FER1L6: variants seen among roughly 807,000 people sequenced by gnomAD.
FER1L6 encodes the protein fer-1 like family member 6, also known as fer-1-like protein 6.
A neutral mutation model predicts 219.2 loss-of-function variants in FER1L6; 177 were observed. That is an observed-to-expected ratio of 0.81 (90% CI 0.71 to 0.91). FER1L6 has a LOEUF of 0.91. Ranked by LOEUF, FER1L6 falls within the 40% of genes least tolerant of loss-of-function variation. The pLI, the probability that FER1L6 is intolerant of heterozygous loss-of-function variation, is 0.00. For missense variants in FER1L6, 2,153 were observed against 2,259.9 expected (o/e 0.95, Z 0.96); for synonymous variants, 768 against 824.3 (o/e 0.93, Z 1.17).
chr8:124,013,478 G>A lies in FER1L6; in HGVS notation c.1869G>A (p.Glu623=). 6.2e-7 allele frequency: 1 copy of A among 1,610,270 alleles called. No homozygotes were observed. Among genetic ancestry groups the A allele is most frequent in the Non-Finnish European group, 8.5e-7 (1 of 1,179,086 alleles). The stretch of plus-strand genomic sequence containing the variant: ...GAGAATTGATCAAGATTTCACAGGA[G>A]GCACCTGAAGAGAAAATGAAAACAG... ...EVRELIKISQ[E]APEEKMKTVL... is the part of the protein sequence containing the mutation. Residue 623 remains glutamate, a synonymous_variant, in exon 15 of 41, where the codon GAG becomes GAA. Transcript: ENST00000522917.
chr8:124,022,263 G>A (rs749650301), intron 17 of FER1L6, among the ~76,000 whole-genome samples: 1 of 152,252 alleles, frequency 6.6e-6, no homozygotes, highest in Non-Finnish European at 1.5e-5. Context: ...GAGACAGGCA[G>A]TCAGTAGACA....
intron 1 of FER1L6, among the ~76,000 whole-genome samples, chr8:123,920,457 C>A (rs938824835): frequency 1.3e-5 from 2 of 152,136 alleles, no homozygotes; most frequent in Non-Finnish European, 2.9e-5. Context: ...GATGAAGAAC[C>A]GCGATTAGAC....
At chr8:124,010,506 C>A in intron 13 of FER1L6, 88 bp from the exon 14 acceptor site, 1 of 1,520,526 alleles carries the variant, frequency 6.6e-7, no homozygotes, top group Admixed American at 1.9e-5. Flanking sequence ...CGAGTCCTGC[C>A]CAGAACGTAT....
intron 12 of FER1L6, among the ~76,000 whole-genome samples, chr8:123,994,278 C>T (rs926979473): frequency 6.6e-6 from 1 of 152,154 alleles, no homozygotes; most frequent in African/African-American, 2.4e-5. Context: ...GGCTCAAAGA[C>T]AGGTGGGGTC....
rs776570860 is a variant in FER1L6 at position 123,973,448 on chromosome 8, GCTGATAGGAAGTGTA to G, written c.468_482del (p.Val159_Ser163del). 2 of 1,613,898 alleles carry G rather than the reference GCTGATAGGAAGTGTA, an allele frequency of 1.2e-6. No homozygotes were observed. The highest frequency in any genetic ancestry group is 1.7e-6 in the Non-Finnish European group (2 of 1,179,892). On this transcript the variant is annotated inframe_deletion, in exon 7 of 41. Coordinates refer to ENST00000522917, the MANE Select transcript of FER1L6 (RefSeq NM_001039112.2). The stretch of plus-strand genomic sequence containing the variant: ...TCTCTCCTCAGGTCTTTCACCACAA[GCTGATAGGAAGTGTA>G]CTGATTGGCTCTTTCAAAGTAGACC...
intron 1 of FER1L6, among the ~76,000 whole-genome samples, chr8:123,912,887 A>C (rs1813080918): frequency 6.6e-6 from 1 of 152,218 alleles, no homozygotes; most frequent in Non-Finnish European, 1.5e-5. Context: ...AACCAAGAGC[A>C]ATACAGGGTA....
chr8:123,959,339 G>A (rs564302852), intron 2 of FER1L6, among the ~76,000 whole-genome samples: 71 of 152,248 alleles, frequency 4.7e-4, no homozygotes, highest in African/African-American at 1.5e-3. Flanking sequence ...GTCTTTGAAC[G>A]TTCACTGGAA....
At chr8:123,944,360 G>A (rs1199047313) in intron 1 of FER1L6, among the ~76,000 whole-genome samples, 1 of 150,354 alleles carries the variant, frequency 6.7e-6, no homozygotes, top group Non-Finnish European at 1.5e-5. Flanking sequence ...TAGTGAACAA[G>A]TATATTGGCT....
intron 1 of FER1L6, among the ~76,000 whole-genome samples, chr8:123,904,505 T>G (rs937314852): frequency 3.9e-5 from 6 of 152,234 alleles, no homozygotes; most frequent in Admixed American, 2.6e-4. Context: ...GACAGAGAAC[T>G]TCAACTCAAA....
chr8:123,996,013 G>A (rs1400143360), intron 12 of FER1L6, among the ~76,000 whole-genome samples: 1 of 152,098 alleles, frequency 6.6e-6, no homozygotes, highest in Non-Finnish European at 1.5e-5. Context: ...ATTGTAATCA[G>A]AGAATATACT....
intron 20 of FER1L6, among the ~76,000 whole-genome samples, chr8:124,042,785 TC>T (rs946729319): frequency 1.3e-5 from 2 of 152,332 alleles, no homozygotes; most frequent in Admixed American, 1.3e-4. Flanking sequence ...CGAAGGCTGT[TC>T]CTGAAAAACC....
At chr8:124,109,920 C>G (rs1350887082) in intron 39 of FER1L6, among the ~76,000 whole-genome samples, 1 of 152,200 alleles carries the variant, frequency 6.6e-6, no homozygotes, top group South Asian at 2.1e-4. Flanking sequence ...ACTGAACATA[C>G]AAACAGCAGT....
Position 124,021,569 on chromosome 8 carries a change from C to CCAAGG in FER1L6, c.2034_2038dup (p.Gly680AlafsTer17). The stretch of plus-strand genomic sequence containing the variant: ...TTTTAGGAAGCAATGTGCAAGGAGG[C>CCAAGG]CAAGGGGATCATTCAGCAGCAGAAG... On this transcript the variant is annotated frameshift_variant, in exon 17 of 41. Transcript: ENST00000522917. LOFTEE classifies it high-confidence loss of function. 2 of 1,614,016 alleles carry CCAAGG rather than the reference C, an allele frequency of 1.2e-6. No individual in the cohort carries two copies. Among genetic ancestry groups the CCAAGG allele is most frequent in the Non-Finnish European group, 1.7e-6 (2 of 1,179,950 alleles).
intron 1 of FER1L6, among the ~76,000 whole-genome samples, chr8:123,937,784 A>C (rs1814067158): frequency 6.6e-6 from 1 of 152,214 alleles, no homozygotes; most frequent in Non-Finnish European, 1.5e-5. Context: ...TTTTAGAAAA[A>C]TATATTTTTT....
Position 123,855,961 on chromosome 8 carries a change from A to C in FER1L6, c.-8+3776A>C, listed in dbSNP as rs1021667680. Among the ~76,000 whole-genome samples the C allele has an allele frequency of 3.4e-5, 5 of 147,266 alleles. No homozygotes were observed. The South Asian group carries it at 1.1e-3, about 31-fold the overall frequency. On this transcript the variant is annotated intron_variant, in intron 1 of 40. Transcript: ENST00000522917. ...ATGTAACTAATGTAGTATATATATT[A>C]CAGATATACATATGTATATGAGATA...
intron 1 of FER1L6, among the ~76,000 whole-genome samples, chr8:123,916,798 A>C (rs1351107399): frequency 6.6e-6 from 1 of 152,206 alleles, no homozygotes; most frequent in Non-Finnish European, 1.5e-5. Context: ...CTGACAGCCA[A>C]GACCCACTTG....
chr8:123,970,779 G>A (rs1331589939), intron 6 of FER1L6, among the ~76,000 whole-genome samples: 1 of 152,138 alleles, frequency 6.6e-6, no homozygotes, highest in African/African-American at 2.4e-5. Flanking sequence ...ATGGAGGACA[G>A]GAATGGGAAG....
In FER1L6 at chr8:124,119,687, A is replaced by G. The variant is rs372367588; in HGVS notation, c.5471A>G (p.Tyr1824Cys). ...CTCATCTGGAAGAATTACAAAAAGT[A>G]CATCATCATTGCTTTCATTCTCATC... ...YYLIWKNYKKYIIIAFILIIL... is the reference protein window; with the variant it reads ...YYLIWKNYKKCIIIAFILIIL... The change falls in exon 41 of 41, where the codon TAC (tyrosine) becomes TGC (cysteine). Residue 1824 changes from tyrosine (Y) to cysteine (C), a missense_variant. Transcript: ENST00000522917. 29 of 1,612,862 alleles carry G rather than the reference A, an allele frequency of 1.8e-5. No individual in the cohort carries two copies. The African/African-American group carries it at 3.2e-4, about 18-fold the overall frequency.
At chr8:123,932,409 CCG>C (rs2129927739) in intron 1 of FER1L6, among the ~76,000 whole-genome samples, 1 of 152,248 alleles carries the variant, frequency 6.6e-6, no homozygotes, top group Non-Finnish European at 1.5e-5. Context: ...GTGCCAGGCT[CCG>C]TATTTATTCT....
Sources: gnomAD v4.1 joint callset for allele counts (sites outside exome capture counted in the v4.1 genomes callset) on GRCh38, gnomAD v4.1.1 for gene constraint, MANE v1.5 for transcripts, NCBI Gene and HGNC (gene_info 2026-07-23, HGNC 2026-07-21) for gene names.